Variants in ZNF658 observed in about 807,000 individuals in gnomAD.
ZNF658 encodes the protein zinc finger protein 658.
A neutral mutation model predicts 78.0 loss-of-function variants in ZNF658; 46 were observed. The observed-to-expected ratio is 0.59, with a 90% CI of 0.47 to 0.75. The LOEUF (loss-of-function observed/expected upper bound fraction) is 0.75. ZNF658 is among the 30% of genes least tolerant of loss of function. ZNF658 has a pLI of 0.00. For missense variants in ZNF658, 785 were observed against 1,189.3 expected, an observed-to-expected ratio of 0.66 and a Z score of 5.00; for synonymous variants, 279 against 408.4, an observed-to-expected ratio of 0.68 and a Z score of 3.82.
At chr9:66,930,014 C>G (rs1400480066) in intron 6 of ZNF658, among the ~76,000 whole-genome samples, 2 of 117,426 alleles carry the variant, frequency 1.7e-5, no homozygotes, top group Admixed American at 2.0e-4. Context: ...GAACTCCTGA[C>G]GATCAGGTGA....
chr9:66,920,830 T>C lies in ZNF658; in HGVS notation c.*84T>C. On this transcript the variant is annotated 3_prime_UTR_variant, in exon 5 of 5. Coordinates refer to ENST00000621410, the MANE Select transcript of ZNF658 (RefSeq NM_033160.7). ...GAACTTGTTTCCCTTATCCATTTCC[T>C]TTTTCATTAGGCTCATAGTTTGTGG... The C allele has an allele frequency of 1.6e-6, 1 of 627,408 alleles. No homozygotes were observed. Among genetic ancestry groups the C allele is most frequent in the Non-Finnish European group, 2.9e-6 (1 of 345,850 alleles). The allele number at this position is 627,408 out of a possible 1,614,324, so 38.9% of individuals were successfully genotyped here.
Position 66,920,240 on chromosome 9 carries a change from T to TC in ZNF658, c.2676dup (p.Lys893GlnfsTer10), listed in dbSNP as rs1822481306. The TC allele has an allele frequency of 6.2e-7, 1 of 1,610,614 alleles. No individual in the cohort carries two copies. Among genetic ancestry groups the TC allele is most frequent in the Non-Finnish European group, 8.5e-7 (1 of 1,179,066 alleles). On this transcript the variant is annotated frameshift_variant, in exon 5 of 5. Coordinates refer to ENST00000621410, the MANE Select transcript of ZNF658 (RefSeq NM_033160.7). LOFTEE classifies it high-confidence loss of function. The stretch of plus-strand genomic sequence containing the variant: ...ATGTAATGACTGTGGGAAGACTTTC[T>TC]CCAAGACATCACATCTCAGAGCACA...
chr9:66,901,158 A>T (rs1034139470), intron 1 of ZNF658: 1 of 152,138 alleles, frequency 6.6e-6, no homozygotes, highest in Non-Finnish European at 1.5e-5. Flanking sequence ...TGTCTGTAAT[A>T]GTCACTATGT....
At chr9:66,928,936 A>T (rs1009464003) in intron 6 of ZNF658, among the ~76,000 whole-genome samples, 1 of 144,816 alleles carries the variant, frequency 6.9e-6, no homozygotes, top group Non-Finnish European at 1.5e-5. Flanking sequence ...TGTACACCTT[A>T]AATATGTGCA....
At chr9:66,923,118 G>C (rs1205619625), downstream of ZNF658, among the ~76,000 whole-genome samples, 1 of 141,130 alleles carries the variant, frequency 7.1e-6, no homozygotes, top group Non-Finnish European at 1.6e-5. Context: ...TCAAAAATAG[G>C]GAAGCCAACA....
chr9:66,917,287 A>G (rs1822357605), intron 4 of ZNF658, among the ~76,000 whole-genome samples: 1 of 146,040 alleles, frequency 6.8e-6, no homozygotes, highest in Non-Finnish European at 1.5e-5. Flanking sequence ...GAAAGGGGTT[A>G]CTACTCCACC....
rs367816856 is a variant in ZNF658 at position 66,919,511 on chromosome 9, C to G, written c.1945C>G (p.Gln649Glu). ...FAHISVLKAH[Q>E]RIHTGEKPYE... ...CCATATTTCTGTTCTCAAGGCACAT[C>G]AAAGAATTCACACAGGGGAGAAACC... Residue 649 changes from glutamine to glutamate, a missense_variant, in exon 5 of 5, where the codon CAA (glutamine) becomes GAA (glutamate). Gln to Glu is a conservative substitution (Grantham distance 29). Around this residue, in one of 12 missense-constraint regions of ZNF658, gnomAD observed 75 missense variants for 147.1 expected, o/e 0.51. Transcript: ENST00000621410. 7 of 1,610,606 alleles carry G rather than the reference C, an allele frequency of 4.3e-6. No individual in the cohort carries two copies. The African/African-American group carries it at 9.4e-5, about 22-fold the overall frequency.
intron 1 of ZNF658, among the ~76,000 whole-genome samples, chr9:66,902,087 G>C (rs979125241): frequency 6.6e-6 from 1 of 151,740 alleles, no homozygotes; most frequent in Admixed American, 6.6e-5. Context: ...GGTGTTCAAT[G>C]GTTCTATGTG....
intron 4 of ZNF658, among the ~76,000 whole-genome samples, chr9:66,909,232 C>A (rs1457298493): frequency 2.0e-5 from 3 of 152,018 alleles, no homozygotes; most frequent in Non-Finnish European, 4.4e-5. Flanking sequence ...ATACCTGTAC[C>A]CTTTAGTTAT....
intron 1 of ZNF658, among the ~76,000 whole-genome samples, chr9:66,901,461 A>G (rs900213165): frequency 6.6e-6 from 1 of 151,418 alleles, no homozygotes; most frequent in Non-Finnish European, 1.5e-5. Flanking sequence ...AGATCTGTGT[A>G]GATGATTGTG....
intron 6 of ZNF658, among the ~76,000 whole-genome samples, chr9:66,930,362 C>A (rs1822628893): frequency 6.9e-6 from 1 of 144,302 alleles, no homozygotes. Context: ...AGAATAGTGA[C>A]CTGCATGTGT....
downstream of ZNF658, among the ~76,000 whole-genome samples, chr9:66,925,946 A>C (rs918978632): frequency 7.0e-6 from 1 of 143,308 alleles, no homozygotes; most frequent in African/African-American, 2.5e-5. Flanking sequence ...TATGAAAATC[A>C]ATTAATGGGA....
chr9:66,918,378 A>T lies in ZNF658; in HGVS notation c.812A>T (p.Asp271Val). ...MRTDTRGKCS[D>V]LNEYGTSCDK... is the part of the protein sequence containing the mutation. Reference sequence around the variant, plus strand: ...ACTGACACAAGGGGGAAATGCTCTGATCTTAATGAATATGGGACATCCTGT... The same window carrying T: ...ACTGACACAAGGGGGAAATGCTCTGTTCTTAATGAATATGGGACATCCTGT... The change falls in exon 5 of 5, where the codon GAT becomes GTT. Residue 271 changes from aspartate to valine, a missense_variant. Transcript: ENST00000621410. The T allele has an allele frequency of 6.2e-7, 1 of 1,613,878 alleles. No individual in the cohort carries two copies. Among genetic ancestry groups the T allele is most frequent in the Non-Finnish European group, 8.5e-7 (1 of 1,179,846 alleles).
chr9:66,925,978 T>C (rs1474867656), downstream of ZNF658, among the ~76,000 whole-genome samples: 3 of 139,152 alleles, frequency 2.2e-5, no homozygotes, highest in East Asian at 6.3e-4. Flanking sequence ...GAATAAAAGA[T>C]AAAAATCACA....
At chr9:66,905,074 T>C (rs958906965) in intron 2 of ZNF658, among the ~76,000 whole-genome samples, 1 of 102,064 alleles carries the variant, frequency 9.8e-6, no homozygotes, top group South Asian at 3.5e-4. Flanking sequence ...TTTTCTTTTT[T>C]TTTTTTTTTT....
chr9:66,921,755 GCCCC>G (rs1222665640), downstream of ZNF658, among the ~76,000 whole-genome samples: 12 of 151,068 alleles, frequency 7.9e-5, no homozygotes, highest in Non-Finnish European at 1.6e-4. Context: ...GTGTCAGTCG[GCCCC>G]TACTGGGAGG....
At chr9:66,905,024 A>G (rs1822039879) in intron 2 of ZNF658, among the ~76,000 whole-genome samples, 2 of 132,506 alleles carry the variant, frequency 1.5e-5, no homozygotes, top group South Asian at 2.4e-4. Flanking sequence ...TCTCATGTCC[A>G]GGTGTGGATT....
At chr9:66,903,159 T>A (rs930149650) in intron 1 of ZNF658, 2 of 198,922 alleles carry the variant, frequency 1.0e-5, no homozygotes, top group African/African-American at 4.7e-5. Context: ...TAAATCAACA[T>A]AATTATTAGT....
chr9:66,915,053 GCACACACA>G (rs10608839), intron 4 of ZNF658, among the ~76,000 whole-genome samples: 27,135 of 143,662 alleles, frequency 0.19, 2,597 homozygotes, highest in East Asian at 0.32. Context: ...CTTTGGAATT[GCACACACA>G]CACACACACA....
Sources: allele counts gnomAD v4.1 joint callset (sites outside exome capture counted in the v4.1 genomes callset), GRCh38; gene constraint gnomAD v4.1.1; regional missense constraint gnomAD v4.1.1; transcripts MANE v1.5; gene names NCBI Gene and HGNC (gene_info 2026-07-23, HGNC 2026-07-21).